TFCP2L1: variants seen among roughly 807,000 people sequenced by gnomAD.
TFCP2L1 encodes the protein transcription factor CP2 like 1, also known as transcription factor CP2-like protein 1.
Under a neutral mutation model 72.2 loss-of-function variants are expected in TFCP2L1, and 12 were observed. The observed-to-expected ratio is 0.17, with a 90% CI of 0.11 to 0.27. The LOEUF is 0.27. TFCP2L1 is among the 10% of genes least tolerant of loss of function. TFCP2L1 has a pLI of 1.00. For synonymous variants in TFCP2L1, 260 were observed against 251.0 expected (o/e 1.04, Z -0.34); for missense variants, 488 against 624.6 (o/e 0.78, Z 2.33).
rs939306536 is a variant in TFCP2L1 at position 121,220,978 on chromosome 2, A to G, written c.*3363T>C. On this transcript the variant is annotated 3_prime_UTR_variant, in exon 15 of 15. Transcript: ENST00000263707. The stretch of plus-strand genomic sequence containing the variant: ...ACTTAAGGTAACAGACTTTTATTAC[A>G]TCTTCTTTTGGAACTTAGAAGACAA... 2.0e-5 allele frequency: 3 copies of G among 152,242 alleles called. No individual in the cohort carries two copies. Among genetic ancestry groups the G allele is most frequent in the Non-Finnish European group, 2.9e-5 (2 of 68,048 alleles). The allele number at this position is 152,242 out of a possible 1,614,324, so 9.4% of individuals were successfully genotyped here.
chr2:121,255,132 G>A (rs1048082594), intron 2 of TFCP2L1, among the ~76,000 whole-genome samples: 3 of 152,224 alleles, frequency 2.0e-5, no homozygotes, highest in African/African-American at 7.2e-5. Flanking sequence ...TGGGTGTCAC[G>A]TGCTGGGCAC....
At chr2:121,272,854 T>G (rs977092904) in intron 2 of TFCP2L1, among the ~76,000 whole-genome samples, 1 of 152,184 alleles carries the variant, frequency 6.6e-6, no homozygotes, top group Non-Finnish European at 1.5e-5. Flanking sequence ...AAAGAAAGGT[T>G]CAGTGACTTG....
rs1053347923 is a variant in TFCP2L1 at position 121,221,308 on chromosome 2, GGACTCAGTACCGTT to G, written c.*3019_*3032del. On this transcript the variant is annotated 3_prime_UTR_variant, in exon 15 of 15. Transcript: ENST00000263707. ...GACTGGGGAACATCAGAGAGAGATA[GGACTCAGTACCGTT>G]GACTCAGGTAAAGAGGGAGACAGCA... 6.6e-6 allele frequency: 1 copy of G among 151,896 alleles called. No individual in the cohort carries two copies. The highest frequency in any genetic ancestry group is 1.5e-5 in the Non-Finnish European group (1 of 68,008). The allele number at this position is 151,896 out of a possible 1,614,324, so 9.4% of individuals were successfully genotyped here. A position where few individuals can be genotyped will look rare whatever the true frequency, so the allele number is the denominator to read the frequency against.
intron 12 of TFCP2L1, 87 bp from the exon 13 acceptor site, chr2:121,232,055 CT>C (rs1686154819): frequency 1.4e-6 from 2 of 1,463,750 alleles, no homozygotes; most frequent in Non-Finnish European, 1.8e-6. Context: ...GCAGTAAGTC[CT>C]TTGTCAAAAT....
chr2:121,235,216 C>G lies in TFCP2L1; in HGVS notation c.1094+5G>C. ...GGCTGGCTTCACAGAGAAACCAACACCTACCGGCCTTTGATGGCGTTGAAG... is the reference window on the plus strand; with the variant it reads ...GGCTGGCTTCACAGAGAAACCAACAGCTACCGGCCTTTGATGGCGTTGAAG... On this transcript the variant is annotated splice_donor_5th_base_variant and intron_variant, in intron 11 of 14. Coordinates refer to ENST00000263707, the MANE Select transcript of TFCP2L1 (RefSeq NM_014553.3). 1 of 1,614,232 alleles carries G rather than the reference C, an allele frequency of 6.2e-7. No individual in the cohort carries two copies. Among genetic ancestry groups the G allele is most frequent in the Non-Finnish European group, 8.5e-7 (1 of 1,180,036 alleles).
Position 121,274,667 on chromosome 2 carries a change from G to T in TFCP2L1, c.214+6453C>A, listed in dbSNP as rs533693491. 9.4e-4 allele frequency among the ~76,000 whole-genome samples: 143 copies of T among 152,274 alleles called. 1 individual carries two copies. The highest frequency in any genetic ancestry group is 3.3e-3 in the African/African-American group (139 of 41,562). ...CTTCAGCCTATACTTTAAAATTTTA[G>T]GGGCCAGGCAGTGGCTCATGCCTGT... is the stretch of plus-strand genomic sequence containing the variant. On this transcript the variant is annotated intron_variant, in intron 2 of 14. Transcript: ENST00000263707.
At chr2:121,240,919 C>T (rs1009870362) in intron 7 of TFCP2L1, among the ~76,000 whole-genome samples, 1 of 152,198 alleles carries the variant, frequency 6.6e-6, no homozygotes, top group African/African-American at 2.4e-5. Flanking sequence ...ACACTGTCTT[C>T]TTGCAAATAC....
Position 121,218,658 on chromosome 2 carries a change from C to T in TFCP2L1, c.*5683G>A, listed in dbSNP as rs1685876704. The T allele has an allele frequency of 1.3e-5, 2 of 152,342 alleles. No individual in the cohort carries two copies. Among genetic ancestry groups the T allele is most frequent in the African/African-American group, 2.4e-5 (1 of 41,458 alleles). 9.4% of individuals were successfully genotyped at this position (152,342 alleles called of 1,614,324 possible). On this transcript the variant is annotated 3_prime_UTR_variant, in exon 15 of 15. Transcript: ENST00000263707. ...CTGACCGTCCTTCCCCACCTTATCC[C>T]ATCAGCTGCCCTGCACAGGAGCAGA...
rs201415263 is a variant in TFCP2L1 at position 121,224,376 on chromosome 2, C to G, written c.1405G>C (p.Asp469His). The change falls in exon 15 of 15, where the codon GAT becomes CAT. Residue 469 changes from aspartate (D) to histidine (H), a missense_variant. By Grantham distance (81) the Asp-to-His change is moderately conservative (BLOSUM62 -1). Around this residue, in one of 3 missense-constraint regions of TFCP2L1, gnomAD observed 286 missense variants for 329.0 expected, o/e 0.87. Coordinates refer to ENST00000263707, the MANE Select transcript of TFCP2L1 (RefSeq NM_014553.3). The stretch of plus-strand genomic sequence containing the variant: ...CATTTCAGGATGATGTGGTAGCCAT[C>G]ATTGCTCTCAGCTGCAAGAGAGAAA... Reference protein sequence around the residue: ...VLSTIKAESNDGYHIILKCGL With the variant: ...VLSTIKAESNHGYHIILKCGL 3.5e-4 allele frequency: 559 copies of G among 1,613,780 alleles called. No individual in the cohort carries two copies. The highest frequency in any genetic ancestry group is 4.4e-4 in the Non-Finnish European group (516 of 1,179,964).
rs370971678 is a variant in TFCP2L1 at position 121,274,664 on chromosome 2, T to A, written c.214+6456A>T. Among the ~76,000 whole-genome samples, 143 of 152,262 alleles carry A rather than the reference T, an allele frequency of 9.4e-4. 4 individuals are homozygous for A. The South Asian group carries it at 0.028, about 29-fold the overall frequency. ...ATTCTTCAGCCTATACTTTAAAATT[T>A]TAGGGGCCAGGCAGTGGCTCATGCC... On this transcript the variant is annotated intron_variant, in intron 2 of 14. Coordinates refer to ENST00000263707, the MANE Select transcript of TFCP2L1 (RefSeq NM_014553.3).
intron 2 of TFCP2L1, 31 bp from the exon 3 acceptor site, chr2:121,249,678 TTC>T: frequency 6.2e-7 from 1 of 1,609,224 alleles, no homozygotes; most frequent in Non-Finnish European, 8.5e-7. Flanking sequence ...CATTTTCCAT[TTC>T]TGAGTATTTC....
At chr2:121,273,818 T>C (rs1372107142) in intron 2 of TFCP2L1, among the ~76,000 whole-genome samples, 1 of 152,224 alleles carries the variant, frequency 6.6e-6, no homozygotes, top group Non-Finnish European at 1.5e-5. Flanking sequence ...TCTTGAATGA[T>C]GTGTCAAAAC....
chr2:121,248,121 A>T (rs1176567042), intron 5 of TFCP2L1, 43 bp downstream of exon 5: 16 of 1,582,510 alleles, frequency 1.0e-5, no homozygotes, highest in Non-Finnish European at 1.4e-5. Flanking sequence ...GGCCACCCCA[A>T]AGACTAGGTC....
intron 13 of TFCP2L1, among the ~76,000 whole-genome samples, chr2:121,228,680 C>G (rs1686080695): frequency 6.7e-6 from 1 of 150,176 alleles, no homozygotes; most frequent in South Asian, 2.1e-4. Context: ...GTAGGAGGAT[C>G]CCCTGAGCCC....
chr2:121,233,060 A>G (rs966927215), intron 12 of TFCP2L1, among the ~76,000 whole-genome samples: 1 of 152,222 alleles, frequency 6.6e-6, no homozygotes, highest in Non-Finnish European at 1.5e-5. Flanking sequence ...GCTCATGCCT[A>G]TAATCCCAGC....
At chr2:121,232,038 T>A in intron 12 of TFCP2L1, 70 bp from the exon 13 acceptor site, 1 of 1,505,232 alleles carries the variant, frequency 6.6e-7, no homozygotes, top group South Asian at 1.3e-5. Flanking sequence ...CCACCCGCCC[T>A]GAGAAAGCAG....
chr2:121,255,897 C>T (rs1686709198), intron 2 of TFCP2L1, among the ~76,000 whole-genome samples: 1 of 152,126 alleles, frequency 6.6e-6, no homozygotes, highest in Non-Finnish European at 1.5e-5. Context: ...CGCCCGCCAC[C>T]TCGCCCGGCT....
chr2:121,269,683 C>T (rs1003109786), intron 2 of TFCP2L1, among the ~76,000 whole-genome samples: 22 of 151,232 alleles, frequency 1.5e-4, no homozygotes, highest in Admixed American at 4.0e-4. Flanking sequence ...GAGGCTGCAG[C>T]GGATCACTTG....
At chr2:121,248,442 C>T (rs2104703322) in intron 4 of TFCP2L1, among the ~76,000 whole-genome samples, 172 bp from the exon 5 acceptor site, 1 of 152,366 alleles carries the variant, frequency 6.6e-6, no homozygotes, top group African/African-American at 2.4e-5. Flanking sequence ...ACCACAAGCG[C>T]TGTGTTGTCT....
Sources: gnomAD v4.1 joint callset for allele counts (sites outside exome capture counted in the v4.1 genomes callset) on GRCh38, gnomAD v4.1.1 for gene constraint, gnomAD v4.1.1 regional missense constraint, MANE v1.5 for transcripts, NCBI Gene and HGNC (gene_info 2026-07-23, HGNC 2026-07-21) for gene names.